KAZN: variants seen among roughly 807,000 people sequenced by gnomAD.
The protein encoded by KAZN is kazrin, periplakin interacting protein.
In KAZN, 40 loss-of-function variants were observed where a neutral mutation model predicts 87.4. The observed-to-expected ratio is 0.46, with a 90% CI of 0.36 to 0.60. The LOEUF is 0.60. Among genes scored for constraint, KAZN ranks in the 20% least tolerant of loss-of-function variants. The pLI is 0.00. For synonymous variants in KAZN, 466 were observed against 458.3 expected (o/e 1.02, Z -0.22); for missense variants, 898 against 1,073.9 (o/e 0.84, Z 2.29).
chr1:14,539,818 AAATGT>A (rs1304471324), intron 2 of KAZN, among the ~76,000 whole-genome samples: 2 of 152,126 alleles, frequency 1.3e-5, no homozygotes, highest in African/African-American at 4.8e-5. Flanking sequence ...AAATTTTGTT[AAATGT>A]AAGATAACAA....
chr1:14,927,823 C>A (rs1384175345), intron 1 of KAZN, among the ~76,000 whole-genome samples: 1 of 152,122 alleles, frequency 6.6e-6, no homozygotes, highest in Admixed American at 6.5e-5. Context: ...GGGTTCTTAT[C>A]ACTTCTTGCC....
chr1:14,525,391 G>C (rs1671809273), intron 2 of KAZN, among the ~76,000 whole-genome samples: 1 of 152,174 alleles, frequency 6.6e-6, no homozygotes, highest in African/African-American at 2.4e-5. Context: ...GAACCATGAG[G>C]TGTCTGTTGC....
At chr1:14,164,454 T>TTGTGTGTGTG (rs59816103) in intron 1 of KAZN, among the ~76,000 whole-genome samples, 28,211 of 144,504 alleles carry the variant, frequency 0.2, 2,843 homozygotes, top group South Asian at 0.3. Context: ...CACTATGGCT[T>TTGTGTGTGTG]TGTGTGTGTG....
chr1:15,004,405 C>G (rs771862123), intron 2 of KAZN, among the ~76,000 whole-genome samples: 3 of 152,178 alleles, frequency 2.0e-5, no homozygotes, highest in Admixed American at 6.5e-5. Context: ...AAAGAATACT[C>G]CAGAGTCTGT....
In KAZN at chr1:14,803,242, T is replaced by A. The variant is rs188039451; in HGVS notation, c.227-157442T>A. 4.4e-3 allele frequency among the ~76,000 whole-genome samples: 675 copies of A among 152,234 alleles called. 9 individuals are homozygous for A. Among genetic ancestry groups the A allele is most frequent in the African/African-American group, 0.015 (629 of 41,522 alleles). Reference sequence around the variant, plus strand: ...AGGAGGAAACTGAGGCTTAGAGAAGTGAAGCAAGTCATCCTCAGGTACCCA... The same window carrying A: ...AGGAGGAAACTGAGGCTTAGAGAAGAGAAGCAAGTCATCCTCAGGTACCCA... On this transcript the variant is annotated intron_variant, in intron 1 of 14. Transcript: ENST00000376030.
chr1:14,523,743 C>T (rs993762407), intron 2 of KAZN, among the ~76,000 whole-genome samples: 4 of 152,158 alleles, frequency 2.6e-5, no homozygotes, highest in Admixed American at 2.0e-4. Context: ...CTGGTTGATC[C>T]GATGGTACAT....
intron 1 of KAZN, among the ~76,000 whole-genome samples, chr1:13,990,874 T>A (rs2101109380): frequency 6.6e-6 from 1 of 152,318 alleles, no homozygotes; most frequent in African/African-American, 2.4e-5. Flanking sequence ...AATAAGTGAT[T>A]ACTGTAAATC....
At chr1:14,094,538 T>G (rs893659236) in intron 1 of KAZN, among the ~76,000 whole-genome samples, 1 of 152,184 alleles carries the variant, frequency 6.6e-6, no homozygotes, top group East Asian at 1.9e-4. Context: ...TTCAGCACCT[T>G]AAAAGAATTG....
At chr1:14,850,320 C>T (rs1649291048) in intron 1 of KAZN, among the ~76,000 whole-genome samples, 1 of 152,162 alleles carries the variant, frequency 6.6e-6, no homozygotes, top group Non-Finnish European at 1.5e-5. Context: ...CATAAACCAA[C>T]ATGACCTTGG....
rs868567676 is a variant in KAZN, at chr1:14,514,623, A to C, written c.250-84360A>C. Among the ~76,000 whole-genome samples the C allele has an allele frequency of 3.7e-5, 2 of 53,726 alleles. 1 individual carries two copies. Among genetic ancestry groups the C allele is most frequent in the South Asian group, 1.3e-3 (2 of 1,500 alleles). 35.2% of individuals were successfully genotyped at this position (53,726 alleles called of 152,430 possible). On this transcript the variant is annotated intron_variant, in intron 2 of 16. Coordinates refer to the KAZN transcript ENST00000636203. ...TATATATATATATATATATATATAT[A>C]TATATATATATATATATCTCAAATT...
At chr1:14,072,433 G>A (rs1054813732) in intron 1 of KAZN, among the ~76,000 whole-genome samples, 1 of 152,062 alleles carries the variant, frequency 6.6e-6, no homozygotes, top group African/African-American at 2.4e-5. Flanking sequence ...CTCCATGTTG[G>A]CTGGGGATTT....
At chr1:14,166,365 A>T (rs986600864) in intron 1 of KAZN, among the ~76,000 whole-genome samples, 1 of 152,172 alleles carries the variant, frequency 6.6e-6, no homozygotes, top group African/African-American at 2.4e-5. Context: ...TCATGTGTGT[A>T]AGGGCCTTAG....
rs552355020 is a variant in KAZN, at chr1:14,213,737, G to A, written c.249+33145G>A. Among the ~76,000 whole-genome samples, 4 of 152,314 alleles carry A rather than the reference G, an allele frequency of 2.6e-5. No homozygotes were observed. In the East Asian group the frequency reaches 7.7e-4, roughly 29 times the overall value. On this transcript the variant is annotated intron_variant, in intron 2 of 16. Coordinates refer to the KAZN transcript ENST00000636203. ...CTTTTAAAAGGAACATTCTGACTAT[G>A]TTGGGGGGAGACTAGTCTATGTGGG...
intron 1 of KAZN, among the ~76,000 whole-genome samples, chr1:13,952,337 A>ATG (rs1570370183): frequency 1.1e-3 from 6 of 5,412 alleles, no homozygotes; most frequent in South Asian, 9.5e-3. Context: ...AAATGGAGAT[A>ATG]ATAATAATAA....
chr1:14,331,432 CAG>C (rs1376731694), intron 2 of KAZN, among the ~76,000 whole-genome samples: 20 of 152,278 alleles, frequency 1.3e-4, no homozygotes, highest in Admixed American at 3.3e-4. Context: ...GAGATATTGA[CAG>C]TGGTTTCCAA....
intron 1 of KAZN, among the ~76,000 whole-genome samples, chr1:14,847,630 TCCATGATG>T (rs1382735270): frequency 6.6e-6 from 1 of 152,200 alleles, no homozygotes; most frequent in Non-Finnish European, 1.5e-5. Context: ...CCAAATCTGT[TCCATGATG>T]CCAGGGACAT....
chr1:14,522,696 C>T (rs137992805), intron 2 of KAZN, among the ~76,000 whole-genome samples: 66 of 152,318 alleles, frequency 4.3e-4, no homozygotes, highest in African/African-American at 1.5e-3. Flanking sequence ...GATAATGCAT[C>T]TGCAATTACC....
chr1:14,257,943 T>TAA (rs529361900), intron 2 of KAZN, among the ~76,000 whole-genome samples: 1,587 of 45,502 alleles, frequency 0.035, 57 homozygotes, highest in African/African-American at 0.083. Flanking sequence ...TAGAGTATAA[T>TAA]AAAAAAAAAA....
intron 2 of KAZN, among the ~76,000 whole-genome samples, chr1:14,437,452 G>C (rs2101426728): frequency 1.3e-5 from 2 of 152,338 alleles, no homozygotes; most frequent in Middle Eastern, 3.4e-3. Flanking sequence ...TGGACAAAGA[G>C]AATTAGACAG....
Sources: gnomAD v4.1 joint callset for allele counts (sites outside exome capture counted in the v4.1 genomes callset) on GRCh38, gnomAD v4.1.1 for gene constraint, MANE v1.5 for transcripts, NCBI Gene and HGNC (gene_info 2026-07-23, HGNC 2026-07-21) for gene names.